Variants in LIMK2 observed in about 807,000 individuals in gnomAD.
LIMK2 encodes LIM domain kinase 2.
In LIMK2, 35 loss-of-function variants were observed where a neutral mutation model predicts 75.7. The observed-to-expected ratio is 0.46, with a 90% CI of 0.35 to 0.61. The LOEUF is 0.61. LIMK2 is among the 20% of genes least tolerant of loss of function. LIMK2 has a pLI of 0.00. For missense variants in LIMK2, 623 were observed against 831.0 expected, an observed-to-expected ratio of 0.75 and a Z score of 3.08; for synonymous variants, 301 against 319.2, an observed-to-expected ratio of 0.94 and a Z score of 0.61.
rs184687431 is a variant in LIMK2 at position 31,261,640 on chromosome 22, C to T, written c.552-494C>T. On this transcript the variant is annotated intron_variant, in intron 5 of 15. Coordinates refer to ENST00000331728, the MANE Select transcript of LIMK2 (RefSeq NM_005569.4). ...AAAATTAGCTGGGTATGGTGGTGCGCGCCTGTAATCCCAGTTACTCAGGAG... is the reference window on the plus strand; with the variant it reads ...AAAATTAGCTGGGTATGGTGGTGCGTGCCTGTAATCCCAGTTACTCAGGAG... Among the ~76,000 whole-genome samples, 39 of 151,914 alleles carry T rather than the reference C, an allele frequency of 2.6e-4. 1 individual carries two copies. In the East Asian group the frequency reaches 3.7e-3, roughly 14 times the overall value.
chr22:31,237,565 A>G (rs900329907), intron 2 of LIMK2, among the ~76,000 whole-genome samples: 1 of 152,082 alleles, frequency 6.6e-6, no homozygotes, highest in African/African-American at 2.4e-5. Flanking sequence ...AAAAAAAAAA[A>G]AAAAGAAGAA....
chr22:31,262,245 G>T lies in LIMK2; in HGVS notation c.657+6G>T, dbSNP rs770340281. ...GCACACTTCGAGTGGAGGAGGTAGA[G>T]TGTGTGTCTAATCTGTCTTGTGAGG... On this transcript the variant is annotated splice_donor_region_variant and intron_variant, in intron 6 of 15. Transcript: ENST00000331728. The surrounding 1 kb of genome is among the most constrained non-coding windows in gnomAD (Gnocchi z 5.0). 1 of 1,595,748 alleles carries T rather than the reference G, an allele frequency of 6.3e-7. No individual in the cohort carries two copies.
At chr22:31,220,891 G>A (rs1173906463) in intron 1 of LIMK2, among the ~76,000 whole-genome samples, 1 of 152,166 alleles carries the variant, frequency 6.6e-6, no homozygotes, top group African/African-American at 2.4e-5. Context: ...TTGAACCTGG[G>A]AGGCGGAGGT....
intron 11 of LIMK2, among the ~76,000 whole-genome samples, chr22:31,269,118 T>A (rs1257245616): frequency 1.3e-5 from 2 of 151,986 alleles, no homozygotes; most frequent in African/African-American, 2.4e-5. Context: ...TTGTTGTTGT[T>A]GTTTTGAGAA....
chr22:31,223,004 A>G (rs2048450036), intron 1 of LIMK2, among the ~76,000 whole-genome samples: 1 of 152,214 alleles, frequency 6.6e-6, no homozygotes, highest in African/African-American at 2.4e-5. Flanking sequence ...CATACCGAGT[A>G]GCCCAGCCTT....
chr22:31,244,088 C>T (rs2048645763), intron 2 of LIMK2, among the ~76,000 whole-genome samples: 1 of 152,162 alleles, frequency 6.6e-6, no homozygotes, highest in Non-Finnish European at 1.5e-5. Flanking sequence ...TCACTTATTC[C>T]CCACCCACCC....
chr22:31,270,718 G>T (rs1287032066), intron 11 of LIMK2, among the ~76,000 whole-genome samples: 1 of 152,234 alleles, frequency 6.6e-6, no homozygotes, highest in Non-Finnish European at 1.5e-5. Flanking sequence ...TCACTTCTCT[G>T]TTGCAGGCAG....
intron 8 of LIMK2, among the ~76,000 whole-genome samples, chr22:31,266,703 C>T (rs1325262127): frequency 2.6e-5 from 4 of 152,250 alleles, no homozygotes; most frequent in Non-Finnish European, 4.4e-5. Context: ...GACCAGAGCC[C>T]CTGCTTGGCT....
chr22:31,232,000 G>T (rs1006462030), intron 2 of LIMK2, among the ~76,000 whole-genome samples: 1 of 151,882 alleles, frequency 6.6e-6, no homozygotes. Context: ...ATTTTAAGTA[G>T]AAACAAGGTC....
chr22:31,213,026 G>C (rs887578371), intron 1 of LIMK2, among the ~76,000 whole-genome samples: 1 of 152,094 alleles, frequency 6.6e-6, no homozygotes, highest in African/African-American at 2.4e-5. Flanking sequence ...TGAGGTTTAG[G>C]ACAGGACTAA....
At chr22:31,230,199 T>A (rs2048515907) in intron 2 of LIMK2, 1 of 152,084 alleles carries the variant, frequency 6.6e-6, no homozygotes. Flanking sequence ...AAACTCTGAG[T>A]TACCTCTCTT....
At chr22:31,273,392 C>T in intron 13 of LIMK2, 60 bp from the exon 14 acceptor site, 2 of 1,469,802 alleles carry the variant, frequency 1.4e-6, no homozygotes, top group Non-Finnish European at 1.9e-6. Flanking sequence ...TGACCCTAGA[C>T]CCAGTGCAGA....
intron 8 of LIMK2, 86 bp downstream of exon 8, chr22:31,266,218 C>T: frequency 7.4e-7 from 1 of 1,347,944 alleles, no homozygotes. Context: ...CTTGGCCCCA[C>T]CCCACACCAT....
chr22:31,251,202 C>T (rs1489381386), intron 2 of LIMK2, among the ~76,000 whole-genome samples: 1 of 152,196 alleles, frequency 6.6e-6, no homozygotes, highest in East Asian at 1.9e-4. Flanking sequence ...TTTTGTCGGA[C>T]ATCTTTAAAG....
chr22:31,273,525 G>A lies in LIMK2; in HGVS notation c.1614+18G>A, dbSNP rs1338836721. On this transcript the variant is annotated intron_variant, in intron 14 of 15. Transcript: ENST00000331728. ...TCTGTGAGGTGAGCTCTGGCACCAA[G>A]GCCATGCCCGAGGCAGCAGGCCTAG... The A allele has an allele frequency of 6.2e-7, 1 of 1,611,350 alleles. No individual in the cohort carries two copies. Among genetic ancestry groups the A allele is most frequent in the South Asian group, 1.1e-5 (1 of 91,020 alleles).
At position 31,268,173 on chromosome 22, in the gene LIMK2, G is replaced by T. The variant is rs764047994; in HGVS notation, c.1290G>T (p.Arg430Ser). The T allele has an allele frequency of 6.8e-6, 11 of 1,614,080 alleles. No homozygotes were observed. Among genetic ancestry groups the T allele is most frequent in the South Asian group, 1.1e-5 (1 of 91,092 alleles). ...MDPFPWQQKV[R>S]FAKGIASGMA... ...CGTTCCCCTGGCAGCAGAAGGTCAG[G>T]TTTGCCAAAGGAATCGCCTCCGGAA... is the stretch of plus-strand genomic sequence containing the variant. The change falls in exon 11 of 16, where the codon AGG (arginine) becomes AGT (serine). Residue 430 changes from arginine to serine, a missense_variant. Physicochemically the swap from Arg to Ser is moderately radical, Grantham distance 110. Coordinates refer to ENST00000331728, the MANE Select transcript of LIMK2 (RefSeq NM_005569.4).
intron 2 of LIMK2, among the ~76,000 whole-genome samples, chr22:31,237,347 T>C (rs546758111): frequency 6.6e-6 from 1 of 151,170 alleles, no homozygotes; most frequent in African/African-American, 2.4e-5. Flanking sequence ...GCGGATCACC[T>C]GAGGTCAGGA....
intron 2 of LIMK2, among the ~76,000 whole-genome samples, chr22:31,250,456 C>G (rs969715199): frequency 5.9e-5 from 9 of 152,198 alleles, no homozygotes; most frequent in Non-Finnish European, 1.0e-4. Flanking sequence ...CCCAAGTCCA[C>G]CTGCCGTTTG....
At chr22:31,276,373 C>T (rs999220448) in intron 15 of LIMK2, among the ~76,000 whole-genome samples, 2 of 152,134 alleles carry the variant, frequency 1.3e-5, no homozygotes, top group Non-Finnish European at 2.9e-5. Flanking sequence ...ATTCTCCTCA[C>T]CCCCAACTCC....
Sources: allele counts gnomAD v4.1 joint callset (sites outside exome capture counted in the v4.1 genomes callset), GRCh38; gene constraint gnomAD v4.1.1; non-coding constraint Gnocchi (gnomAD v3.1); transcripts MANE v1.5; gene names NCBI Gene and HGNC (gene_info 2026-07-23, HGNC 2026-07-21).